The following SCAPER variants were observed in gnomAD, a reference collection of about 807,000 sequenced individuals.
SCAPER encodes S-phase cyclin A associated protein in the ER, also known as S phase cyclin A-associated protein in the endoplasmic reticulum.
A neutral mutation model predicts 182.2 loss-of-function variants in SCAPER; 98 were observed. That is an observed-to-expected ratio of 0.54 (90% CI 0.46 to 0.64). SCAPER has a LOEUF of 0.64. SCAPER is among the 30% of genes least tolerant of loss of function. The pLI, the probability that SCAPER is intolerant of heterozygous loss-of-function variation, is 0.00. For missense variants in SCAPER, 1,432 were observed against 1,690.0 expected, an observed-to-expected ratio of 0.85 and a Z score of 2.68; for synonymous variants, 605 against 564.6, an observed-to-expected ratio of 1.07 and a Z score of -1.01.
chr15:76,669,127 C>T (rs554649618), intron 20 of SCAPER, among the ~76,000 whole-genome samples: 2 of 152,194 alleles, frequency 1.3e-5, no homozygotes, highest in Admixed American at 6.5e-5. Flanking sequence ...TTCTTGACTA[C>T]TACCTTAGAG....
At chr15:76,673,489 G>C (rs2057167293) in intron 20 of SCAPER, among the ~76,000 whole-genome samples, 1 of 152,030 alleles carries the variant, frequency 6.6e-6, no homozygotes. Flanking sequence ...CCATGTGTTG[G>C]GCAGGATAGA....
chr15:76,783,302 G>T (rs1205299738), intron 8 of SCAPER, among the ~76,000 whole-genome samples: 2 of 151,980 alleles, frequency 1.3e-5, no homozygotes, highest in South Asian at 4.2e-4. Flanking sequence ...ATAAATTCCT[G>T]GACACATACA....
chr15:76,447,241 G>T (rs2048062255), intron 25 of SCAPER, among the ~76,000 whole-genome samples: 1 of 152,196 alleles, frequency 6.6e-6, no homozygotes, highest in African/African-American at 2.4e-5. Flanking sequence ...GGTAATCCAT[G>T]CTTCTTTTCC....
At chr15:76,448,084 T>C (rs1201700282) in intron 25 of SCAPER, among the ~76,000 whole-genome samples, 1 of 152,256 alleles carries the variant, frequency 6.6e-6, no homozygotes, top group East Asian at 1.9e-4. Context: ...ATAGTTGGAC[T>C]AGTGGTGTAT....
At chr15:76,553,952 T>C (rs1468348575) in intron 23 of SCAPER, among the ~76,000 whole-genome samples, 1 of 152,174 alleles carries the variant, frequency 6.6e-6, no homozygotes, top group South Asian at 2.1e-4. Flanking sequence ...ACTACATCAG[T>C]TCCCTAGCAA....
intron 29 of SCAPER, among the ~76,000 whole-genome samples, chr15:76,371,468 T>C (rs960711075): frequency 1.3e-5 from 2 of 151,790 alleles, no homozygotes; most frequent in African/African-American, 4.8e-5. Flanking sequence ...TATAGGCGTG[T>C]GCCACCACGC....
At chr15:76,572,095 A>G (rs2047471200) in intron 23 of SCAPER, among the ~76,000 whole-genome samples, 1 of 152,180 alleles carries the variant, frequency 6.6e-6, no homozygotes, top group Non-Finnish European at 1.5e-5. Context: ...CCAAATTATA[A>G]GAAATCAGTG....
intron 24 of SCAPER, among the ~76,000 whole-genome samples, chr15:76,477,423 G>A (rs561413894): frequency 2.3e-4 from 35 of 152,262 alleles, no homozygotes; most frequent in Admixed American, 2.0e-4. Flanking sequence ...GAGATGCTGT[G>A]CAGGTTAACA....
At chr15:76,373,529 CAG>C (rs1780199411) in intron 29 of SCAPER, among the ~76,000 whole-genome samples, 1 of 152,136 alleles carries the variant, frequency 6.6e-6, no homozygotes, top group Non-Finnish European at 1.5e-5. Context: ...GCCTGGTCCA[CAG>C]AGAGGACAGA....
At chr15:76,783,526 C>T (rs760136810) in intron 8 of SCAPER, among the ~76,000 whole-genome samples, 4 of 152,172 alleles carry the variant, frequency 2.6e-5, no homozygotes, top group Non-Finnish European at 5.9e-5. Flanking sequence ...CTCCCTAACT[C>T]ATTTTATGAG....
chr15:76,391,210 T>C (rs1325689848), intron 27 of SCAPER, among the ~76,000 whole-genome samples: 1 of 152,224 alleles, frequency 6.6e-6, no homozygotes, highest in Non-Finnish European at 1.5e-5. Flanking sequence ...GGTCTTTACA[T>C]GCCTGGTTCC....
At chr15:76,620,263 T>C (rs1008437581) in intron 22 of SCAPER, among the ~76,000 whole-genome samples, 3 of 152,180 alleles carry the variant, frequency 2.0e-5, no homozygotes, top group Admixed American at 6.5e-5. Context: ...ATTAACCTCA[T>C]AGAATTATTG....
intron 27 of SCAPER, among the ~76,000 whole-genome samples, chr15:76,395,883 C>T (rs2044015422): frequency 6.6e-6 from 1 of 152,144 alleles, no homozygotes; most frequent in South Asian, 2.1e-4. Flanking sequence ...CTTCGGTTGC[C>T]TGTGCTTGCA....
At chr15:76,580,220 C>A (rs1162145347) in intron 22 of SCAPER, among the ~76,000 whole-genome samples, 1 of 152,084 alleles carries the variant, frequency 6.6e-6, no homozygotes, top group Non-Finnish European at 1.5e-5. Context: ...GAAGAATACA[C>A]ATTCTTCTCC....
At chr15:76,427,365 A>G (rs948285155) in intron 26 of SCAPER, among the ~76,000 whole-genome samples, 1 of 152,212 alleles carries the variant, frequency 6.6e-6, no homozygotes, top group Non-Finnish European at 1.5e-5. Context: ...AAATAACTCA[A>G]CAGTGAAAAA....
chr15:76,497,594 T>A (rs2040682189), intron 24 of SCAPER, among the ~76,000 whole-genome samples: 1 of 151,784 alleles, frequency 6.6e-6, no homozygotes, highest in African/African-American at 2.4e-5. Flanking sequence ...TAGTAAAAAC[T>A]GTGAGAGTCT....
chr15:76,620,321 A>G (rs2051912150), intron 22 of SCAPER, among the ~76,000 whole-genome samples: 2 of 152,156 alleles, frequency 1.3e-5, no homozygotes, highest in Non-Finnish European at 2.9e-5. Flanking sequence ...GTAATGGCTC[A>G]GTAAATGTTA....
chr15:76,460,213 T>A (rs1256538938), intron 25 of SCAPER, among the ~76,000 whole-genome samples: 2 of 152,170 alleles, frequency 1.3e-5, no homozygotes, highest in African/African-American at 4.8e-5. Flanking sequence ...AGCATGGATA[T>A]CTTTCCTCGG....
intron 24 of SCAPER, among the ~76,000 whole-genome samples, chr15:76,479,661 T>C (rs979127895): frequency 6.6e-5 from 10 of 152,142 alleles, no homozygotes; most frequent in African/African-American, 1.9e-4. Context: ...TAAGACATTA[T>C]GAAATAGTTA....
Sources: gnomAD v4.1 joint callset for allele counts (sites outside exome capture counted in the v4.1 genomes callset) on GRCh38, gnomAD v4.1.1 for gene constraint, MANE v1.5 for transcripts, NCBI Gene and HGNC (gene_info 2026-07-23, HGNC 2026-07-21) for gene names.